Variants in PRMT8 observed in about 807,000 individuals in gnomAD.
PRMT8 encodes protein arginine N-methyltransferase 8.
PRMT8 carries 7 observed loss-of-function variants against 47.1 expected under a neutral mutation model. The ratio of observed to expected loss-of-function variants is 0.15; its 90% CI spans 0.08 to 0.28. The LOEUF (loss-of-function observed/expected upper bound fraction) is 0.28, where lower values mean the gene tolerates loss of function less well. Among genes scored for constraint, PRMT8 ranks in the 10% least tolerant of loss-of-function variants. The pLI, the probability that PRMT8 is intolerant of heterozygous loss-of-function variation, is 1.00. For synonymous variants in PRMT8, 188 were observed against 186.5 expected, an observed-to-expected ratio of 1.01 and a Z score of -0.07; for missense variants, 237 against 505.4, an observed-to-expected ratio of 0.47 and a Z score of 5.09.
At chr12:3,483,186 C>G (rs57135291) in intron 1 of PRMT8, among the ~76,000 whole-genome samples, 1 of 152,102 alleles carries the variant, frequency 6.6e-6, no homozygotes, top group Admixed American at 6.5e-5. Context: ...GCACAGCACC[C>G]GGTCCGCAGT....
chr12:3,484,506 G>A (rs1422547035), intron 1 of PRMT8, among the ~76,000 whole-genome samples: 1 of 152,190 alleles, frequency 6.6e-6, no homozygotes, highest in East Asian at 1.9e-4. Context: ...CTTTTAGGAC[G>A]AGCTGAAGAA....
chr12:3,568,893 C>T (rs1866788184), intron 5 of PRMT8, 45 bp downstream of exon 5: 1 of 1,610,704 alleles, frequency 6.2e-7, no homozygotes, highest in Non-Finnish European at 8.5e-7. Context: ...GCTGGCTGTC[C>T]TGCTCCTCTA....
chr12:3,472,523 T>C (rs1190611202), intron 1 of PRMT8, among the ~76,000 whole-genome samples: 1 of 152,196 alleles, frequency 6.6e-6, no homozygotes, highest in Admixed American at 6.5e-5. Flanking sequence ...TTGGGACAAG[T>C]TACTTAACTT....
intron 4 of PRMT8, among the ~76,000 whole-genome samples, chr12:3,562,708 G>C (rs564979354): frequency 1.3e-5 from 2 of 152,148 alleles, no homozygotes; most frequent in African/African-American, 4.8e-5. Context: ...TTTACACCAC[G>C]GACATTGGCG....
At chr12:3,555,119 C>A (rs959691838) in intron 4 of PRMT8, among the ~76,000 whole-genome samples, 2 of 152,222 alleles carry the variant, frequency 1.3e-5, no homozygotes, top group African/African-American at 4.8e-5. Context: ...GGGGACAGAG[C>A]AGGGAACAAG....
chr12:3,397,298 A>G (rs1043293643), intron 1 of PRMT8, among the ~76,000 whole-genome samples: 32 of 151,774 alleles, frequency 2.1e-4, no homozygotes, highest in African/African-American at 7.5e-4. Flanking sequence ...TGCGTTTTAG[A>G]GTTTCCAGTT....
chr12:3,389,164 C>T (rs551343526), intron 1 of PRMT8, among the ~76,000 whole-genome samples: 10 of 152,118 alleles, frequency 6.6e-5, no homozygotes, highest in African/African-American at 2.2e-4. Flanking sequence ...TTGGGGGTAC[C>T]GAGAGATGGA....
chr12:3,463,804 A>T (rs1865063332), intron 1 of PRMT8, among the ~76,000 whole-genome samples: 1 of 152,216 alleles, frequency 6.6e-6, no homozygotes, highest in African/African-American at 2.4e-5. Context: ...GGACAAAGAT[A>T]TGTGAACTGT....
intron 1 of PRMT8, among the ~76,000 whole-genome samples, chr12:3,452,399 T>C (rs1374906671): frequency 2.6e-5 from 4 of 152,078 alleles, no homozygotes; most frequent in African/African-American, 4.8e-5. Flanking sequence ...CAGGAAACTT[T>C]AGAAGTCTTC....
chr12:3,569,924 G>A lies in PRMT8; in HGVS notation c.712+360G>A, dbSNP rs183515304. 2.6e-4 allele frequency among the ~76,000 whole-genome samples: 40 copies of A among 152,320 alleles called. No individual in the cohort carries two copies. The East Asian group carries it at 2.9e-3, about 11-fold the overall frequency. ...GGTTCAGTTAGCCCAAAAGTCCACC[G>A]CAGGGGTCTGAAGTAGCAGGTCTCT... On this transcript the variant is annotated intron_variant, in intron 6 of 9. Transcript: ENST00000382622. The surrounding 1 kb of genome is among the most constrained non-coding windows in gnomAD (Gnocchi z 8.2).
chr12:3,383,949 A>G (rs1335762465), intron 1 of PRMT8, among the ~76,000 whole-genome samples: 3 of 152,206 alleles, frequency 2.0e-5, no homozygotes, highest in Admixed American at 6.5e-5. Flanking sequence ...GAAGTTACTT[A>G]TTAGTTCTAG....
chr12:3,477,521 T>C (rs763982821), intron 1 of PRMT8, among the ~76,000 whole-genome samples: 5 of 152,264 alleles, frequency 3.3e-5, no homozygotes, highest in African/African-American at 1.2e-4. Flanking sequence ...CTTATTGACG[T>C]TGAGTTCTGA....
rs1303222109 is a variant in PRMT8 at position 3,583,067 on chromosome 12, A to G, written c.838A>G (p.Ile280Val). 1.2e-6 allele frequency: 2 copies of G among 1,613,642 alleles called. No homozygotes were observed. Among genetic ancestry groups the G allele is most frequent in the African/African-American group, 2.7e-5 (2 of 74,906 alleles). ...TNACLIKEVDIYTVKTEELSF... is the reference protein window; with the variant it reads ...TNACLIKEVDVYTVKTEELSF... Reference sequence around the variant, plus strand: ...CTTCTCTGGGCTGCAGGAGGTGGACATTTACACAGTGAAGACGGAAGAGCT... The same window carrying G: ...CTTCTCTGGGCTGCAGGAGGTGGACGTTTACACAGTGAAGACGGAAGAGCT... The change falls in exon 8 of 10, where the codon ATT becomes GTT. Residue 280 changes from isoleucine (I) to valine (V), a missense_variant. Ile to Val is a conservative substitution (Grantham distance 29). Around this residue, in one of 5 missense-constraint regions of PRMT8, gnomAD observed 151 missense variants for 341.1 expected, o/e 0.44. Coordinates refer to ENST00000382622, the MANE Select transcript of PRMT8 (RefSeq NM_019854.5). This position sits in a 1 kb window ranked among gnomAD's most constrained non-coding sequence, Gnocchi z 4.7.
intron 1 of PRMT8, among the ~76,000 whole-genome samples, chr12:3,444,051 T>A (rs1025858162): frequency 6.6e-6 from 1 of 152,258 alleles, no homozygotes; most frequent in Non-Finnish European, 1.5e-5. Flanking sequence ...TTATATTATG[T>A]ACAACACCAT....
At chr12:3,487,286 C>T (rs779023542), upstream of PRMT8, among the ~76,000 whole-genome samples, 1 of 152,210 alleles carries the variant, frequency 6.6e-6, no homozygotes, top group African/African-American at 2.4e-5. Context: ...CATAATATGT[C>T]GCCCCTTTCA....
intron 4 of PRMT8, among the ~76,000 whole-genome samples, chr12:3,565,746 C>T (rs1016808669): frequency 6.6e-6 from 1 of 152,158 alleles, no homozygotes; most frequent in African/African-American, 2.4e-5. Flanking sequence ...GATGAGGTTA[C>T]AGCAACTAAT....
chr12:3,489,063 C>CA (rs1865348039), upstream of PRMT8, among the ~76,000 whole-genome samples: 1 of 152,162 alleles, frequency 6.6e-6, no homozygotes, highest in Non-Finnish European at 1.5e-5. Flanking sequence ...GCTCCTCACT[C>CA]ACAGCCCCAG....
chr12:3,428,796 C>T (rs1864637785), intron 1 of PRMT8, among the ~76,000 whole-genome samples: 1 of 147,136 alleles, frequency 6.8e-6, no homozygotes, highest in Admixed American at 6.7e-5. Flanking sequence ...TACCTTGACT[C>T]TGTCTTTGTC....
intron 1 of PRMT8, among the ~76,000 whole-genome samples, chr12:3,440,882 C>G (rs1297419053): frequency 6.6e-6 from 1 of 152,182 alleles, no homozygotes; most frequent in African/African-American, 2.4e-5. Flanking sequence ...CAATGACGAT[C>G]TAATTGGATC....
Sources: gnomAD v4.1 joint callset for allele counts (sites outside exome capture counted in the v4.1 genomes callset) on GRCh38, gnomAD v4.1.1 for gene constraint, gnomAD v4.1.1 regional missense constraint, Gnocchi (gnomAD v3.1) non-coding constraint, MANE v1.5 for transcripts, NCBI Gene and HGNC (gene_info 2026-07-23, HGNC 2026-07-21) for gene names.